The following DAB1 variants were observed in gnomAD, a reference collection of about 807,000 sequenced individuals.
DAB1 encodes the protein disabled homolog 1.
A neutral mutation model predicts 64.6 loss-of-function variants in DAB1; 15 were observed. The observed-to-expected ratio is 0.23, with a 90% CI of 0.16 to 0.36. The LOEUF is 0.36. DAB1 is among the 10% of genes least tolerant of loss of function. DAB1 has a pLI of 1.00. For missense variants in DAB1, 596 were observed against 706.7 expected (o/e 0.84, Z 1.78); for synonymous variants, 235 against 251.9 (o/e 0.93, Z 0.64).
chr1:58,274,829 T>C (rs1661399771), intron 4 of DAB1, among the ~76,000 whole-genome samples: 1 of 152,156 alleles, frequency 6.6e-6, no homozygotes, highest in Non-Finnish European at 1.5e-5. Context: ...CCCCTCGCGC[T>C]TCCCAGGTGA....
intron 6 of DAB1, among the ~76,000 whole-genome samples, chr1:57,727,217 T>C (rs3118027): frequency 0.64 from 97,335 of 152,120 alleles, 32,155 homozygotes; most frequent in African/African-American, 0.82. Context: ...AAAATTAAGC[T>C]ATGGGACAGG....
intron 2 of DAB1, among the ~76,000 whole-genome samples, chr1:57,148,815 A>G (rs1659389707): frequency 6.6e-6 from 1 of 152,256 alleles, no homozygotes; most frequent in Admixed American, 6.5e-5. Context: ...AGTCCACAGC[A>G]TAACCTGAAT....
chr1:57,894,191 G>A lies in DAB1; in HGVS notation n.388-10029C>T, dbSNP rs141927407. On this transcript the variant is annotated intron_variant and non_coding_transcript_variant, in intron 5 of 20. Transcript: ENST00000485760. ...AGTTGCCCACTTGGGCCTCTTCCAA[G>A]TGTACTTTCCTTCCTTTTGTTCTTG... Among the ~76,000 whole-genome samples, 470 of 152,292 alleles carry A rather than the reference G, an allele frequency of 3.1e-3. 4 individuals carry two copies. The highest frequency in any genetic ancestry group is 0.011 in the African/African-American group (444 of 41,572).
chr1:57,902,162 A>C (rs1210531126), intron 5 of DAB1, among the ~76,000 whole-genome samples: 1 of 151,680 alleles, frequency 6.6e-6, no homozygotes, highest in East Asian at 1.9e-4. Context: ...GTCTCAAAAA[A>C]AAAAAAAAAA....
intron 5 of DAB1, among the ~76,000 whole-genome samples, chr1:58,029,075 G>T (rs1646935834): frequency 6.6e-6 from 1 of 152,048 alleles, no homozygotes; most frequent in Non-Finnish European, 1.5e-5. Context: ...GTTATAAGAA[G>T]GTTCAATTAC....
At chr1:58,130,531 T>C (rs1340748194) in intron 5 of DAB1, among the ~76,000 whole-genome samples, 1 of 152,150 alleles carries the variant, frequency 6.6e-6, no homozygotes, top group Non-Finnish European at 1.5e-5. Context: ...GCTCGTTAGT[T>C]GATGCAGTTT....
intron 7 of DAB1, among the ~76,000 whole-genome samples, chr1:57,447,506 A>G (rs1197968447): frequency 6.6e-6 from 1 of 152,158 alleles, no homozygotes; most frequent in Non-Finnish European, 1.5e-5. Flanking sequence ...TTACTCCCTC[A>G]ATATACTTCA....
intron 1 of DAB1, among the ~76,000 whole-genome samples, chr1:57,870,741 T>G (rs1046901251): frequency 3.3e-5 from 5 of 151,942 alleles, no homozygotes; most frequent in Non-Finnish European, 7.4e-5. Flanking sequence ...TGGACAAAAT[T>G]TACTATAATC....
At chr1:58,049,323 C>T (rs1404351253) in intron 5 of DAB1, 3 of 651,008 alleles carry the variant, frequency 4.6e-6, no homozygotes, top group South Asian at 3.8e-5. Flanking sequence ...TTTAACGATG[C>T]TTCTTCGGCG....
chr1:57,333,349 G>T (rs550620098), intron 1 of DAB1, among the ~76,000 whole-genome samples: 3 of 151,806 alleles, frequency 2.0e-5, no homozygotes, highest in African/African-American at 7.3e-5. Flanking sequence ...CTCACTTAAC[G>T]GCTCAGTTTC....
chr1:58,321,059 C>A, intron 4 of DAB1, among the ~76,000 whole-genome samples: 1 of 152,240 alleles, frequency 6.6e-6, no homozygotes, highest in East Asian at 1.9e-4. Context: ...CACCTCCACT[C>A]CCTAGTTTAG....
chr1:58,406,409 T>C (rs553802254), intron 3 of DAB1, among the ~76,000 whole-genome samples: 30 of 152,284 alleles, frequency 2.0e-4, no homozygotes, highest in African/African-American at 6.7e-4. Flanking sequence ...AGGGCAGAAA[T>C]CCTGTTGAAG....
chr1:57,967,592 T>C (rs1307668567), intron 5 of DAB1, among the ~76,000 whole-genome samples: 1 of 152,132 alleles, frequency 6.6e-6, no homozygotes, highest in African/African-American at 2.4e-5. Flanking sequence ...CTGGTGTTGA[T>C]TCAGACAGAG....
At chr1:58,168,141 C>T (rs750292689) in intron 4 of DAB1, among the ~76,000 whole-genome samples, 4 of 152,198 alleles carry the variant, frequency 2.6e-5, no homozygotes, top group African/African-American at 9.6e-5. Flanking sequence ...GAGACTAGCA[C>T]AGCTGCCAGA....
chr1:58,022,040 G>A (rs2100455836), intron 5 of DAB1, among the ~76,000 whole-genome samples: 1 of 152,290 alleles, frequency 6.6e-6, no homozygotes, highest in South Asian at 2.1e-4. Context: ...AGAGAATTTA[G>A]GCTATTAGCT....
intron 2 of DAB1, among the ~76,000 whole-genome samples, chr1:57,258,100 G>T (rs1669900598): frequency 6.6e-6 from 1 of 152,124 alleles, no homozygotes; most frequent in South Asian, 2.1e-4. Flanking sequence ...AAGCACTGGG[G>T]TTTTTTGGCA....
chr1:57,076,675 C>A (rs1004463258), intron 4 of DAB1, among the ~76,000 whole-genome samples: 1 of 152,162 alleles, frequency 6.6e-6, no homozygotes, highest in African/African-American at 2.4e-5. Flanking sequence ...CCCTGGCCTG[C>A]GCTTCATCAG....
At chr1:57,577,124 G>T (rs893319579) in intron 7 of DAB1, among the ~76,000 whole-genome samples, 18 of 152,186 alleles carry the variant, frequency 1.2e-4, no homozygotes, top group African/African-American at 4.3e-4. Flanking sequence ...CGGGAAAGCA[G>T]GCCATCAGGG....
At chr1:57,479,819 AAATC>A (rs1643989418) in intron 7 of DAB1, among the ~76,000 whole-genome samples, 9 of 152,170 alleles carry the variant, frequency 5.9e-5, no homozygotes, top group Admixed American at 5.9e-4. Flanking sequence ...TACTTCATAT[AAATC>A]AGCTTAGGGC....
Sources: gnomAD v4.1 joint callset for allele counts (sites outside exome capture counted in the v4.1 genomes callset) on GRCh38, gnomAD v4.1.1 for gene constraint, MANE v1.5 for transcripts, NCBI Gene and HGNC (gene_info 2026-07-23, HGNC 2026-07-21) for gene names.